GUCD1: variants seen among roughly 807,000 people sequenced by gnomAD.
GUCD1 encodes guanylyl cyclase domain containing 1, also known as protein GUCD1.
Under a neutral mutation model 28.3 loss-of-function variants are expected in GUCD1, and 17 were observed. The ratio of observed to expected loss-of-function variants is 0.60; its 90% CI spans 0.41 to 0.90. The LOEUF (loss-of-function observed/expected upper bound fraction) is 0.90. Ranked by LOEUF, GUCD1 falls within the 40% of genes least tolerant of loss-of-function variation. GUCD1 has a pLI of 0.00. For synonymous variants in GUCD1, 129 were observed against 123.3 expected (o/e 1.05, Z -0.30); for missense variants, 279 against 305.5 (o/e 0.91, Z 0.65).
upstream of GUCD1, chr22:24,555,471 C>A: frequency 8.5e-7 from 1 of 1,181,338 alleles, no homozygotes. Flanking sequence ...AGGTGTAAGC[C>A]CTGATCCCGC....
chr22:24,543,954 A>C lies in GUCD1; in HGVS notation c.516T>G (p.Ser172Arg), dbSNP rs144330841. 8 of 1,613,940 alleles carry C rather than the reference A, an allele frequency of 5.0e-6. No individual in the cohort carries two copies. Among genetic ancestry groups the C allele is most frequent in the Non-Finnish European group, 6.8e-6 (8 of 1,179,986 alleles). Reference protein sequence around the residue: ...SPVKYCCFTPSGHHCFCRTPD... With the variant: ...SPVKYCCFTPRGHHCFCRTPD... ...GAGTGCGGCAGAAGCAGTGGTGGCC[A>C]CTGGGGGTGAAGCAGCAGTACTTGA... is the stretch of plus-strand genomic sequence containing the variant. The change falls in exon 5 of 6, where the codon AGT becomes AGG. Residue 172 changes from serine to arginine, a missense_variant. Physicochemically the swap from Ser to Arg is moderately radical, Grantham distance 110. Transcript: ENST00000435822.
At position 24,542,702 on chromosome 22, in the gene GUCD1, A is replaced by G. The variant is rs1435921807; in HGVS notation, c.*304T>C. ...GAGACCATTGCCATGGATCTGGCTCAAAGGCAACAAGGGCACTGTCGGGAC... is the reference window on the plus strand; with the variant it reads ...GAGACCATTGCCATGGATCTGGCTCGAAGGCAACAAGGGCACTGTCGGGAC... On this transcript the variant is annotated 3_prime_UTR_variant, in exon 6 of 6. Coordinates refer to ENST00000435822, the MANE Select transcript of GUCD1 (RefSeq NM_001284254.2). The G allele has an allele frequency of 2.4e-5, 9 of 370,768 alleles. No individual in the cohort carries two copies. The highest frequency in any genetic ancestry group is 4.7e-5 in the Non-Finnish European group (9 of 193,090). 23.0% of individuals were successfully genotyped at this position (370,768 alleles called of 1,614,324 possible). A position where few individuals can be genotyped will look rare whatever the true frequency, so the allele number is the denominator to read the frequency against.
rs114293825 is a variant in GUCD1 at position 24,547,140 on chromosome 22, G to A, written c.295-135C>T. 2.6e-3 allele frequency: 1,731 copies of A among 678,770 alleles called. 14 individuals carry two copies. The highest frequency in any genetic ancestry group is 0.019 in the African/African-American group (1,116 of 57,260). The allele number at this position is 678,770 out of a possible 1,614,324, so 42.0% of individuals were successfully genotyped here. ...AGGAGCCCCACCTGCCAGGGCAGAC[G>A]GTACATGCAGCAAGCCAGATCAGAA... On this transcript the variant is annotated intron_variant, in intron 3 of 5. Coordinates refer to ENST00000435822, the MANE Select transcript of GUCD1 (RefSeq NM_001284254.2).
intron 1 of GUCD1, among the ~76,000 whole-genome samples, chr22:24,553,825 G>A (rs2044949315): frequency 1.3e-5 from 2 of 152,264 alleles, no homozygotes; most frequent in African/African-American, 4.8e-5. Context: ...TCCAGCCTCG[G>A]CAAGGGCGGA....
intron 4 of GUCD1, among the ~76,000 whole-genome samples, chr22:24,546,508 A>C (rs2044732395): frequency 6.6e-6 from 1 of 152,148 alleles, no homozygotes; most frequent in African/African-American, 2.4e-5. Flanking sequence ...GTAAGGTCAC[A>C]GCAGCCCTTA....
chr22:24,555,524 C>T, upstream of GUCD1: 2 of 1,424,794 alleles, frequency 1.4e-6, no homozygotes, highest in South Asian at 2.5e-5. Flanking sequence ...CTCCAACTGT[C>T]TTTAGGGATA....
chr22:24,554,806 G>T, intron 1 of GUCD1, 143 bp downstream of exon 1: 1 of 621,506 alleles, frequency 1.6e-6, no homozygotes, highest in Non-Finnish European at 2.8e-6. Flanking sequence ...CGAGTGTCAG[G>T]AAACCCCCAC....
chr22:24,552,924 T>C (rs2044921248), intron 1 of GUCD1, among the ~76,000 whole-genome samples: 1 of 152,186 alleles, frequency 6.6e-6, no homozygotes, highest in South Asian at 2.1e-4. Flanking sequence ...CTTAGCCTCC[T>C]GAGCAGCTGG....
upstream of GUCD1, chr22:24,555,708 C>G (rs937106666): frequency 1.9e-6 from 3 of 1,550,582 alleles, no homozygotes; most frequent in Middle Eastern, 1.7e-4. Flanking sequence ...GCCCAAGCCC[C>G]GCGTCTCCGC....
intron 1 of GUCD1, among the ~76,000 whole-genome samples, chr22:24,550,125 T>C (rs937125259): frequency 1.6e-4 from 25 of 152,372 alleles, no homozygotes; most frequent in African/African-American, 6.0e-4. Flanking sequence ...GTGCCACTGC[T>C]GGCTGGCTGT....
rs2147064056 is a variant in GUCD1 at position 24,542,484 on chromosome 22, AGGT to A, written c.*519_*521del. On this transcript the variant is annotated 3_prime_UTR_variant, in exon 6 of 6. Transcript: ENST00000435822. ...CAGAAACTTGGGCCCATGGGTAGGCAGGTGGTGGTGGTATCATCAACCACTGGG... is the reference window on the plus strand; with the variant it reads ...CAGAAACTTGGGCCCATGGGTAGGCAGGTGGTGGTATCATCAACCACTGGG... The A allele has an allele frequency of 1.3e-5, 2 of 153,738 alleles. No homozygotes were observed. Among genetic ancestry groups the A allele is most frequent in the East Asian group, 1.9e-4 (1 of 5,214 alleles). 9.5% of individuals were successfully genotyped at this position (153,738 alleles called of 1,614,324 possible).
At chr22:24,551,845 TC>T (rs1230558307) in intron 1 of GUCD1, among the ~76,000 whole-genome samples, 1 of 152,194 alleles carries the variant, frequency 6.6e-6, no homozygotes, top group Non-Finnish European at 1.5e-5. Context: ...AAACTTAATC[TC>T]CATTGTGGTG....
intron 3 of GUCD1, chr22:24,547,526 GA>G (rs2044758191): frequency 4.7e-6 from 1 of 211,486 alleles, no homozygotes; most frequent in African/African-American, 2.3e-5. Flanking sequence ...CTCTCCTGGT[GA>G]AAAGTAAAAA....
In GUCD1 at chr22:24,543,905, C is replaced by T. The variant is rs141621665; in HGVS notation, c.565G>A (p.Val189Met). The T allele has an allele frequency of 1.3e-5, 21 of 1,614,042 alleles. No individual in the cohort carries two copies. Among genetic ancestry groups the T allele is most frequent in the Middle Eastern group, 1.6e-4 (1 of 6,062 alleles). Residue 189 changes from valine (V) to methionine (M), a missense_variant, in exon 5 of 6, where the codon GTG becomes ATG. Transcript: ENST00000435822. ...GTGGCCCGGTTGTAGCCACGCAGCA[C>T]GATGAAGTGGCCCTGGTAGTCAGGA... ...RTPDYQGHFI[V>M]LRGYNRATGC...
At chr22:24,555,187 G>A (rs1429180416), upstream of GUCD1, 6 of 1,301,684 alleles carry the variant, frequency 4.6e-6, no homozygotes, top group East Asian at 1.6e-4. Context: ...GAATCTGGAG[G>A]CCCCGCCCCC....
Position 24,542,900 on chromosome 22 carries a change from C to G in GUCD1, c.*106G>C. 1.3e-6 allele frequency: 1 copy of G among 792,066 alleles called. No individual in the cohort carries two copies. Among genetic ancestry groups the G allele is most frequent in the Admixed American group, 1.9e-5 (1 of 53,478 alleles). The allele number at this position is 792,066 out of a possible 1,614,324, so 49.1% of individuals were successfully genotyped here. ...TGCCAGATGGGCTGAGGCTGCAGTTCCACATTCCAACCCCAGCAGCCCCAA... is the reference window on the plus strand; with the variant it reads ...TGCCAGATGGGCTGAGGCTGCAGTTGCACATTCCAACCCCAGCAGCCCCAA... On this transcript the variant is annotated 3_prime_UTR_variant, in exon 6 of 6. Transcript: ENST00000435822.
At chr22:24,543,333 G>A (rs1234710207) in intron 5 of GUCD1, among the ~76,000 whole-genome samples, 3 of 152,182 alleles carry the variant, frequency 2.0e-5, no homozygotes, top group Non-Finnish European at 2.9e-5. Flanking sequence ...GGGCAGAAAC[G>A]TGCTCCAGGC....
chr22:24,545,023 TAA>T (rs771666191), intron 4 of GUCD1, among the ~76,000 whole-genome samples: 20 of 138,176 alleles, frequency 1.4e-4, no homozygotes, highest in Admixed American at 2.9e-4. Context: ...CCCTGTCTCT[TAA>T]AAAAAAAAAA....
intron 4 of GUCD1, among the ~76,000 whole-genome samples, chr22:24,546,110 T>A (rs907353999): frequency 8.6e-5 from 13 of 151,652 alleles, no homozygotes; most frequent in African/African-American, 2.9e-4. Context: ...TACAGGCGCC[T>A]GCCACCACGC....
Sources: allele counts gnomAD v4.1 joint callset (sites outside exome capture counted in the v4.1 genomes callset), GRCh38; gene constraint gnomAD v4.1.1; transcripts MANE v1.5; gene names NCBI Gene and HGNC (gene_info 2026-07-23, HGNC 2026-07-21).